The following LHFPL3 variants were observed in gnomAD, a reference collection of about 807,000 sequenced individuals.
LHFPL3 encodes the protein LHFPL tetraspan subfamily member 3.
LHFPL3 carries 5 observed loss-of-function variants against 19.3 expected under a neutral mutation model. The observed-to-expected ratio is 0.26, with a 90% CI of 0.14 to 0.54. The LOEUF (loss-of-function observed/expected upper bound fraction) is 0.54, where lower values mean the gene tolerates loss of function less well. LHFPL3 is among the 20% of genes least tolerant of loss of function. LHFPL3 has a pLI of 0.94. For synonymous variants in LHFPL3, 133 were observed against 126.2 expected (o/e 1.05, Z -0.36); for missense variants, 249 against 307.4 (o/e 0.81, Z 1.42).
At chr7:104,581,528 T>C (rs768857636) in intron 1 of LHFPL3, among the ~76,000 whole-genome samples, 27 of 152,052 alleles carry the variant, frequency 1.8e-4, no homozygotes, top group Non-Finnish European at 3.2e-4. Flanking sequence ...TTTATCAATT[T>C]TTTATTTTAT....
intron 1 of LHFPL3, among the ~76,000 whole-genome samples, chr7:104,495,070 A>G (rs1308536404): frequency 6.6e-6 from 1 of 152,118 alleles, no homozygotes; most frequent in African/African-American, 2.4e-5. Flanking sequence ...TTCCCAATAT[A>G]TCACTCTGTT....
At chr7:104,401,384 A>G (rs901506652) in intron 1 of LHFPL3, among the ~76,000 whole-genome samples, 1 of 152,230 alleles carries the variant, frequency 6.6e-6, no homozygotes, top group South Asian at 2.1e-4. Context: ...TTTTTAAAAA[A>G]GTATTTAGCA....
chr7:104,377,960 A>G (rs1428513641), intron 1 of LHFPL3, among the ~76,000 whole-genome samples: 2 of 152,190 alleles, frequency 1.3e-5, no homozygotes, highest in African/African-American at 4.8e-5. Flanking sequence ...CTGCACTAGA[A>G]TTTTGAACTC....
chr7:104,609,070 G>A (rs1316094644), intron 1 of LHFPL3, among the ~76,000 whole-genome samples: 1 of 151,972 alleles, frequency 6.6e-6, no homozygotes, highest in Non-Finnish European at 1.5e-5. Context: ...TTTGAGACCA[G>A]CCTGACCAAC....
chr7:104,590,587 C>T (rs1303689005), intron 1 of LHFPL3, among the ~76,000 whole-genome samples: 1 of 152,134 alleles, frequency 6.6e-6, no homozygotes, highest in Non-Finnish European at 1.5e-5. Flanking sequence ...AATGTATATT[C>T]TGTTGATCTG....
At chr7:104,473,366 T>C (rs1245219072) in intron 1 of LHFPL3, among the ~76,000 whole-genome samples, 1 of 152,224 alleles carries the variant, frequency 6.6e-6, no homozygotes, top group African/African-American at 2.4e-5. Context: ...CTACACTTTC[T>C]TTTTACTTGT....
intron 1 of LHFPL3, among the ~76,000 whole-genome samples, chr7:104,576,497 T>G (rs576571079): frequency 4.1e-4 from 62 of 152,308 alleles, no homozygotes; most frequent in Non-Finnish European, 4.4e-5. Flanking sequence ...TTCAAGCCAC[T>G]GCTTGGCATT....
chr7:104,731,850 G>C (rs1793711100), intron 1 of LHFPL3, among the ~76,000 whole-genome samples: 1 of 152,028 alleles, frequency 6.6e-6, no homozygotes, highest in African/African-American at 2.4e-5. Context: ...GTATGATATT[G>C]GCTGTGGGTT....
intron 1 of LHFPL3, among the ~76,000 whole-genome samples, chr7:104,430,414 A>G (rs1423053679): frequency 1.4e-3 from 35 of 25,426 alleles, no homozygotes; most frequent in Non-Finnish European, 1.7e-3. Flanking sequence ...ACATATATAT[A>G]TATACATATA....
At chr7:104,589,152 A>G (rs1166507082) in intron 1 of LHFPL3, among the ~76,000 whole-genome samples, 3 of 152,060 alleles carry the variant, frequency 2.0e-5, no homozygotes, top group Admixed American at 6.6e-5. Flanking sequence ...CACTATGTTG[A>G]ATAGGAGTGG....
At chr7:104,760,752 T>A (rs1198280680) in intron 2 of LHFPL3, among the ~76,000 whole-genome samples, 1 of 152,204 alleles carries the variant, frequency 6.6e-6, no homozygotes, top group African/African-American at 2.4e-5. Flanking sequence ...TTTCTACCTA[T>A]CTGCAAGTTC....
At chr7:104,700,408 T>C (rs2116171473) in intron 1 of LHFPL3, among the ~76,000 whole-genome samples, 1 of 152,340 alleles carries the variant, frequency 6.6e-6, no homozygotes, top group South Asian at 2.1e-4. Flanking sequence ...TCTTCTTCAC[T>C]CATTGCCCAT....
At chr7:104,746,709 A>G (rs1794053252) in intron 2 of LHFPL3, among the ~76,000 whole-genome samples, 1 of 152,220 alleles carries the variant, frequency 6.6e-6, no homozygotes, top group Non-Finnish European at 1.5e-5. Flanking sequence ...GTCTTCATCT[A>G]TAAGGGCATT....
chr7:104,701,316 G>A (rs1262907627), intron 1 of LHFPL3, among the ~76,000 whole-genome samples: 7 of 151,988 alleles, frequency 4.6e-5, no homozygotes, highest in Non-Finnish European at 8.8e-5. Flanking sequence ...GGCACCAACC[G>A]CTCTCCCCAC....
chr7:104,479,065 G>A (rs1446075716), intron 1 of LHFPL3, among the ~76,000 whole-genome samples: 1 of 152,166 alleles, frequency 6.6e-6, no homozygotes, highest in African/African-American at 2.4e-5. Context: ...TGCTGGGGTT[G>A]ACTGAGGCTG....
intron 1 of LHFPL3, among the ~76,000 whole-genome samples, chr7:104,394,435 T>TC (rs1791142052): frequency 2.0e-5 from 3 of 152,276 alleles, no homozygotes; most frequent in African/African-American, 7.2e-5. Flanking sequence ...TCCTGATTCT[T>TC]TAAAAATTTT....
chr7:104,554,666 GA>G (rs1310977600), intron 1 of LHFPL3, among the ~76,000 whole-genome samples: 23 of 151,020 alleles, frequency 1.5e-4, no homozygotes, highest in African/African-American at 5.4e-4. Context: ...TAGATAGATA[GA>G]TAGATAGATA....
intron 1 of LHFPL3, among the ~76,000 whole-genome samples, chr7:104,697,776 A>G (rs907131218): frequency 1.3e-5 from 2 of 152,196 alleles, no homozygotes; most frequent in African/African-American, 4.8e-5. Context: ...AAGGGGGAAA[A>G]AACAGCTTGT....
chr7:104,417,790 T>A (rs1791650899), intron 1 of LHFPL3, among the ~76,000 whole-genome samples: 1 of 152,174 alleles, frequency 6.6e-6, no homozygotes, highest in African/African-American at 2.4e-5. Context: ...TGACTCATGG[T>A]AAGTACACGA....
Sources: allele counts gnomAD v4.1 joint callset (sites outside exome capture counted in the v4.1 genomes callset), GRCh38; gene constraint gnomAD v4.1.1; transcripts MANE v1.5; gene names NCBI Gene and HGNC (gene_info 2026-07-23, HGNC 2026-07-21).